Variants in NPEPPS observed in about 807,000 individuals in gnomAD.
NPEPPS encodes the protein aminopeptidase puromycin sensitive, also known as puromycin-sensitive aminopeptidase.
In NPEPPS, 14 loss-of-function variants were observed where a neutral mutation model predicts 115.5. The ratio of observed to expected loss-of-function variants is 0.12; its 90% CI spans 0.08 to 0.19. NPEPPS has a LOEUF of 0.19. NPEPPS is among the 10% of genes least tolerant of loss of function. The pLI, the probability that NPEPPS is intolerant of heterozygous loss-of-function variation, is 1.00. For synonymous variants in NPEPPS, 285 were observed against 390.6 expected (o/e 0.73, Z 3.19); for missense variants, 523 against 1,110.8 (o/e 0.47, Z 7.52).
At chr17:47,561,395 G>A (rs1017454073) in intron 2 of NPEPPS, among the ~76,000 whole-genome samples, 20 of 147,474 alleles carry the variant, frequency 1.4e-4, no homozygotes, top group Non-Finnish European at 1.3e-4. Context: ...ATGATATTAC[G>A]ATATATATGT....
Position 47,604,002 on chromosome 17 carries a change from C to T in NPEPPS, c.1828C>T (p.Leu610=), listed in dbSNP as rs369245385. 2 of 1,613,802 alleles carry T rather than the reference C, an allele frequency of 1.2e-6. No homozygotes were observed. The highest frequency in any genetic ancestry group is 1.7e-6 in the Non-Finnish European group (2 of 1,179,770). ...ATTACCAGGCATTCGTGACCTTTCT[C>T]TGCCCCCTGTGGATCGACTTGGATT... ...SLLPGIRDLS[L]PPVDRLGLQN... Residue 610 remains leucine, a synonymous_variant, in exon 16 of 23, where the codon CTG becomes TTG. Coordinates refer to ENST00000322157, the MANE Select transcript of NPEPPS (RefSeq NM_006310.4).
chr17:47,549,211 C>T (rs1159700748), intron 2 of NPEPPS, among the ~76,000 whole-genome samples: 29 of 151,788 alleles, frequency 1.9e-4, no homozygotes, highest in African/African-American at 6.3e-4. Context: ...GGTGTGGTGG[C>T]GGGTGCCTGT....
At chr17:47,536,388 CTTTTT>C (rs749380530) in intron 1 of NPEPPS, among the ~76,000 whole-genome samples, 1 of 69,938 alleles carries the variant, frequency 1.4e-5, no homozygotes, top group Non-Finnish European at 3.0e-5. Flanking sequence ...TATTTTCTCT[CTTTTT>C]TTTTTTTTTT....
chr17:47,553,637 A>G (rs1428487254), intron 2 of NPEPPS, among the ~76,000 whole-genome samples: 3 of 152,204 alleles, frequency 2.0e-5, no homozygotes, highest in Non-Finnish European at 2.9e-5. Flanking sequence ...CATATGTACT[A>G]TGATAAAGTT....
chr17:47,553,850 A>G (rs1909817802), intron 2 of NPEPPS, among the ~76,000 whole-genome samples: 1 of 151,216 alleles, frequency 6.6e-6, no homozygotes, highest in South Asian at 2.1e-4. Flanking sequence ...TCCCAGGTTC[A>G]AGCGATTCTC....
upstream of NPEPPS, among the ~76,000 whole-genome samples, chr17:47,529,166 A>G (rs1370212811): frequency 1.3e-5 from 2 of 152,220 alleles, no homozygotes; most frequent in South Asian, 2.1e-4. Flanking sequence ...AGAAATTTCT[A>G]TAAAGAAATA....
At chr17:47,581,295 C>A (rs1911858916) in intron 4 of NPEPPS, 1 of 152,104 alleles carries the variant, frequency 6.6e-6, no homozygotes, top group Non-Finnish European at 1.5e-5. Context: ...TTGCTTAGTA[C>A]TTGGTGAACC....
In NPEPPS at chr17:47,605,375, A is replaced by T; in HGVS notation, c.1918A>T (p.Met640Leu). The change falls in exon 17 of 23, where the codon ATG (methionine) becomes TTG (leucine). Residue 640 changes from methionine (M) to leucine (L), a missense_variant. Transcript: ENST00000322157. Reference protein sequence around the residue: ...IISTVEVLKVMEAFVNEPNYT... With the variant: ...IISTVEVLKVLEAFVNEPNYT... ...TAGCACTGTAGAGGTTCTAAAAGTCATGGAGGCTTTTGTGAATGAGCCCAA... is the reference window on the plus strand; with the variant it reads ...TAGCACTGTAGAGGTTCTAAAAGTCTTGGAGGCTTTTGTGAATGAGCCCAA... 6.2e-7 allele frequency: 1 copy of T among 1,611,548 alleles called. No homozygotes were observed. Among genetic ancestry groups the T allele is most frequent in the South Asian group, 1.1e-5 (1 of 90,302 alleles).
intron 2 of NPEPPS, among the ~76,000 whole-genome samples, chr17:47,568,178 T>C (rs1910953158): frequency 6.6e-6 from 1 of 151,396 alleles, no homozygotes; most frequent in African/African-American, 2.4e-5. Context: ...TTTTTTCTTT[T>C]TTTGAGACAG....
chr17:47,563,023 GTTGT>G (rs1365711287), intron 2 of NPEPPS, among the ~76,000 whole-genome samples: 1 of 148,364 alleles, frequency 6.7e-6, no homozygotes, highest in African/African-American at 2.5e-5. Context: ...TGGTTTTTTT[GTTGT>G]TTGTTTGTTT....
At chr17:47,543,832 C>T (rs1425843918) in intron 1 of NPEPPS, among the ~76,000 whole-genome samples, 9 of 152,082 alleles carry the variant, frequency 5.9e-5, no homozygotes, top group African/African-American at 2.2e-4. Context: ...TGGAAAAATT[C>T]TCTCATGTGT....
intron 13 of NPEPPS, among the ~76,000 whole-genome samples, chr17:47,597,492 C>T (rs897939421): frequency 6.6e-6 from 1 of 151,930 alleles, no homozygotes; most frequent in Non-Finnish European, 1.5e-5. Flanking sequence ...TCTTGTGGTC[C>T]TACATTGTCC....
At chr17:47,555,109 T>G (rs968285833) in intron 2 of NPEPPS, among the ~76,000 whole-genome samples, 10 of 152,188 alleles carry the variant, frequency 6.6e-5, no homozygotes, top group Non-Finnish European at 1.5e-4. Context: ...CCTATTAACT[T>G]TATGGGTAAC....
chr17:47,577,379 G>T (rs1001259865), intron 3 of NPEPPS, among the ~76,000 whole-genome samples: 1 of 151,934 alleles, frequency 6.6e-6, no homozygotes, highest in Non-Finnish European at 1.5e-5. Flanking sequence ...TTTATAATCT[G>T]TTAGACGTTC....
Position 47,543,877 on chromosome 17 carries a change from T to TG in NPEPPS, c.256-2032_256-2031insG, listed in dbSNP as rs1181253172. ...AACATGGACCAAGATGCTAGTTTGT[T>TG]TGTTTGTTTGTTTGTTTATTTATTT... On this transcript the variant is annotated intron_variant, in intron 1 of 22. Transcript: ENST00000322157. Among the ~76,000 whole-genome samples the TG allele has an allele frequency of 2.4e-5, 3 of 123,380 alleles. No homozygotes were observed. In the Admixed American group the frequency reaches 2.8e-4, roughly 11 times the overall value. 80.9% of individuals were successfully genotyped at this position (123,380 alleles called of 152,430 possible). A position where few individuals can be genotyped will look rare whatever the true frequency, so the allele number is the denominator to read the frequency against.
At chr17:47,614,525 T>G (rs1465670698) in intron 19 of NPEPPS, among the ~76,000 whole-genome samples, 1 of 152,236 alleles carries the variant, frequency 6.6e-6, no homozygotes, top group East Asian at 1.9e-4. Flanking sequence ...CTTCATAGCC[T>G]CTCTAGTTTT....
intron 4 of NPEPPS, 129 bp from the exon 5 acceptor site, chr17:47,582,613 T>C (rs1481400225): frequency 1.4e-6 from 1 of 718,232 alleles, no homozygotes; most frequent in Non-Finnish European, 2.5e-6. Context: ...GCTTGTTGCC[T>C]GGCACTGAAG....
chr17:47,583,674 G>A (rs1912021491), intron 5 of NPEPPS, among the ~76,000 whole-genome samples: 1 of 152,058 alleles, frequency 6.6e-6, no homozygotes, highest in Non-Finnish European at 1.5e-5. Flanking sequence ...CAGTGCTTTG[G>A]GAGGCTAAGG....
intron 2 of NPEPPS, among the ~76,000 whole-genome samples, chr17:47,555,210 T>C (rs1437098318): frequency 1.3e-5 from 2 of 152,198 alleles, no homozygotes; most frequent in Non-Finnish European, 2.9e-5. Flanking sequence ...ACTTACTAAT[T>C]GTAAAGATTC....
Sources: gnomAD v4.1 joint callset for allele counts (sites outside exome capture counted in the v4.1 genomes callset) on GRCh38, gnomAD v4.1.1 for gene constraint, MANE v1.5 for transcripts, NCBI Gene and HGNC (gene_info 2026-07-23, HGNC 2026-07-21) for gene names.